Variants in SPATA16 observed in about 807,000 individuals in gnomAD.
The protein encoded by SPATA16 is spermatogenesis associated 16, also known as spermatogenesis-associated protein 16.
A neutral mutation model predicts 63.3 loss-of-function variants in SPATA16; 36 were observed. The observed-to-expected ratio is 0.57, with a 90% CI of 0.44 to 0.75. The LOEUF (loss-of-function observed/expected upper bound fraction) is 0.75, where lower values mean the gene tolerates loss of function less well. Among genes scored for constraint, SPATA16 ranks in the 30% least tolerant of loss-of-function variants. The pLI is 0.00. For missense variants in SPATA16, 646 were observed against 679.3 expected (o/e 0.95, Z 0.54); for synonymous variants, 203 against 216.7 (o/e 0.94, Z 0.56).
chr3:172,960,706 A>T (rs1006594731), intron 5 of SPATA16, among the ~76,000 whole-genome samples: 1 of 152,180 alleles, frequency 6.6e-6, no homozygotes, highest in South Asian at 2.1e-4. Context: ...AGGGGGAAAC[A>T]TGACCAGCAA....
At chr3:173,092,649 G>A (rs1361455938) in intron 2 of SPATA16, among the ~76,000 whole-genome samples, 1 of 152,086 alleles carries the variant, frequency 6.6e-6, no homozygotes, top group East Asian at 1.9e-4. Flanking sequence ...CTCCCCTAGA[G>A]TCTACCCAAG....
intron 7 of SPATA16, among the ~76,000 whole-genome samples, chr3:172,924,949 C>T (rs765567719): frequency 1.3e-5 from 2 of 152,054 alleles, no homozygotes; most frequent in Non-Finnish European, 2.9e-5. Flanking sequence ...ATAAGAAAAG[C>T]GGGGAAGAGA....
At chr3:172,999,115 A>G (rs947946670) in intron 4 of SPATA16, among the ~76,000 whole-genome samples, 1 of 152,160 alleles carries the variant, frequency 6.6e-6, no homozygotes. Flanking sequence ...AAAAATTTGT[A>G]TAATTTCTTC....
At chr3:173,007,326 CAAG>C (rs1295273846) in intron 4 of SPATA16, among the ~76,000 whole-genome samples, 2 of 152,198 alleles carry the variant, frequency 1.3e-5, no homozygotes, top group South Asian at 4.1e-4. Context: ...GGTATAAAAA[CAAG>C]AAGAAGGACA....
chr3:172,986,742 G>C (rs908606003), intron 4 of SPATA16, among the ~76,000 whole-genome samples: 1 of 152,144 alleles, frequency 6.6e-6, no homozygotes, highest in Non-Finnish European at 1.5e-5. Flanking sequence ...GGGAGCTGTT[G>C]TACGGTTTTA....
At chr3:172,962,240 C>A (rs1490771392) in intron 5 of SPATA16, among the ~76,000 whole-genome samples, 1 of 101,618 alleles carries the variant, frequency 9.8e-6, no homozygotes, top group East Asian at 3.1e-4. Flanking sequence ...GGCAACAGAG[C>A]AAGACTCTGT....
At chr3:173,005,076 A>C (rs920256770) in intron 4 of SPATA16, among the ~76,000 whole-genome samples, 11 of 152,024 alleles carry the variant, frequency 7.2e-5, no homozygotes, top group Non-Finnish European at 1.5e-4. Context: ...TATTCCCAGC[A>C]CTCTGGGAGG....
chr3:172,956,481 G>A (rs9869213), intron 6 of SPATA16, among the ~76,000 whole-genome samples, 196 bp downstream of exon 6: 6,357 of 152,052 alleles, frequency 0.042, 445 homozygotes, highest in African/African-American at 0.15. Context: ...AAATATGAAA[G>A]TACAAGAAAT....
Position 173,019,584 on chromosome 3 carries a change from A to T in SPATA16, c.759-9T>A, listed in dbSNP as rs1159130862. 1 of 1,613,150 alleles carries T rather than the reference A, an allele frequency of 6.2e-7. No individual in the cohort carries two copies. ...GGTTTAAAACAATGCTCCTGTAAAA[A>T]GGTAAAAGAAATGCAAATGTTATTT... On this transcript the variant is annotated splice_polypyrimidine_tract_variant and intron_variant, in intron 3 of 10. Transcript: ENST00000351008.
At chr3:172,915,698 C>G (rs1293752965) in intron 9 of SPATA16, among the ~76,000 whole-genome samples, 1 of 152,052 alleles carries the variant, frequency 6.6e-6, no homozygotes, top group Non-Finnish European at 1.5e-5. Flanking sequence ...GTGAGAATCC[C>G]TTCAACTAGT....
At chr3:173,010,653 G>C (rs1394825923) in intron 4 of SPATA16, among the ~76,000 whole-genome samples, 3 of 152,054 alleles carry the variant, frequency 2.0e-5, no homozygotes, top group African/African-American at 7.2e-5. Context: ...CTTTTCGCTT[G>C]ACTCCGTGCC....
chr3:173,084,787 A>C (rs1737007150), intron 2 of SPATA16, among the ~76,000 whole-genome samples: 2 of 152,042 alleles, frequency 1.3e-5, no homozygotes, highest in Admixed American at 6.6e-5. Context: ...TCCTTTCCCC[A>C]TTGCTTGTTT....
At chr3:172,902,098 C>T (rs1015770345) in intron 10 of SPATA16, among the ~76,000 whole-genome samples, 2 of 152,170 alleles carry the variant, frequency 1.3e-5, no homozygotes, top group East Asian at 3.9e-4. Flanking sequence ...AGTGCGGTGA[C>T]ATGATCTCGG....
chr3:172,979,499 T>C (rs1160845321), intron 4 of SPATA16, among the ~76,000 whole-genome samples: 1 of 152,230 alleles, frequency 6.6e-6, no homozygotes, highest in Non-Finnish European at 1.5e-5. Flanking sequence ...ATTGTCATTT[T>C]TGGATTACGA....
chr3:173,019,508 C>T lies in SPATA16; in HGVS notation c.826G>A (p.Glu276Lys). ...LRQATVFRCL[E>K]RYSEAARSAM... ...TACCGGGCAGCCTCTGAATACCTCT[C>T]CAGACATCTAAACACTGTTGCTTGA... The change falls in exon 4 of 11, where the codon GAG (glutamate) becomes AAG (lysine). Residue 276 changes from glutamate to lysine, a missense_variant. Transcript: ENST00000351008. The T allele has an allele frequency of 6.2e-7, 1 of 1,613,936 alleles. No individual in the cohort carries two copies. Among genetic ancestry groups the T allele is most frequent in the South Asian group, 1.1e-5 (1 of 91,080 alleles).
chr3:172,909,975 G>A (rs529670475), intron 10 of SPATA16, among the ~76,000 whole-genome samples: 1 of 151,968 alleles, frequency 6.6e-6, no homozygotes, highest in Non-Finnish European at 1.5e-5. Flanking sequence ...CTGGTCCCTA[G>A]AAGTTAATAA....
intron 10 of SPATA16, among the ~76,000 whole-genome samples, chr3:172,891,435 C>A (rs562796111): frequency 6.6e-6 from 1 of 152,212 alleles, no homozygotes; most frequent in Admixed American, 6.5e-5. Flanking sequence ...GTCCAGAGCA[C>A]ATACTATGTG....
intron 2 of SPATA16, among the ~76,000 whole-genome samples, chr3:173,052,431 TG>T (rs1736122265): frequency 6.6e-6 from 1 of 152,182 alleles, no homozygotes; most frequent in Non-Finnish European, 1.5e-5. Flanking sequence ...GCTTTATGTA[TG>T]TTTGTTGAAT....
intron 1 of SPATA16, among the ~76,000 whole-genome samples, chr3:173,134,655 C>A (rs1738491058): frequency 6.6e-6 from 1 of 152,248 alleles, no homozygotes; most frequent in African/African-American, 2.4e-5. Context: ...GACTTCCCAG[C>A]CTCCAGAATT....
Sources: gnomAD v4.1 joint callset for allele counts (sites outside exome capture counted in the v4.1 genomes callset) on GRCh38, gnomAD v4.1.1 for gene constraint, MANE v1.5 for transcripts, NCBI Gene and HGNC (gene_info 2026-07-23, HGNC 2026-07-21) for gene names.